KSR2: variants seen among roughly 807,000 people sequenced by gnomAD.
KSR2 encodes the protein kinase suppressor of ras 2.
Under a neutral mutation model 107.8 loss-of-function variants are expected in KSR2, and 25 were observed. The ratio of observed to expected loss-of-function variants is 0.23; its 90% CI spans 0.17 to 0.32. KSR2 has a LOEUF of 0.32. KSR2 is among the 10% of genes least tolerant of loss of function. The pLI is 1.00. For synonymous variants in KSR2, 480 were observed against 507.0 expected (o/e 0.95, Z 0.71); for missense variants, 887 against 1,268.9 (o/e 0.70, Z 4.57).
intron 1 of KSR2, among the ~76,000 whole-genome samples, chr12:117,939,251 A>G (rs1016825724): frequency 3.9e-5 from 6 of 152,362 alleles, no homozygotes; most frequent in African/African-American, 1.4e-4. Context: ...TATGAGAAAC[A>G]TATATTGAAA....
chr12:117,806,628 C>T (rs1386690919), intron 3 of KSR2, among the ~76,000 whole-genome samples: 6 of 152,198 alleles, frequency 3.9e-5, no homozygotes, highest in Admixed American at 3.9e-4. Context: ...ATATCACCCC[C>T]AGAGGAAACC....
intron 7 of KSR2, among the ~76,000 whole-genome samples, chr12:117,565,707 T>C (rs1471387012): frequency 1.1e-4 from 17 of 152,250 alleles, no homozygotes; most frequent in Non-Finnish European, 2.5e-4. Flanking sequence ...GGAGATAACT[T>C]ATCTGTTTGT....
intron 7 of KSR2, among the ~76,000 whole-genome samples, chr12:117,558,928 A>G (rs540121661): frequency 6.6e-6 from 1 of 151,962 alleles, no homozygotes; most frequent in South Asian, 2.1e-4. Flanking sequence ...GTGGATGGAT[A>G]GACAGATGAC....
chr12:117,731,299 C>G (rs1481477661), intron 4 of KSR2, among the ~76,000 whole-genome samples: 1 of 145,170 alleles, frequency 6.9e-6, no homozygotes, highest in Admixed American at 6.9e-5. Context: ...AAGTGAGGAG[C>G]GTCTCCGCCC....
At chr12:117,949,908 C>T (rs1794665836) in intron 1 of KSR2, among the ~76,000 whole-genome samples, 1 of 151,848 alleles carries the variant, frequency 6.6e-6, no homozygotes, top group African/African-American at 2.4e-5. Flanking sequence ...AGAATAAATA[C>T]TGAACTAATT....
At position 117,464,924 on chromosome 12, in the gene KSR2, T is replaced by A. The variant is rs1871074774; in HGVS notation, c.*2275A>T. On this transcript the variant is annotated 3_prime_UTR_variant, in exon 20 of 20. Transcript: ENST00000339824. ...TCATGCTAGGCCTTGCCAAAGGCTGTGGTTGGACATTTTAGTTAATTCTGG... is the reference window on the plus strand; with the variant it reads ...TCATGCTAGGCCTTGCCAAAGGCTGAGGTTGGACATTTTAGTTAATTCTGG... The A allele has an allele frequency of 6.6e-6, 1 of 152,254 alleles. No individual in the cohort carries two copies. Among genetic ancestry groups the A allele is most frequent in the South Asian group, 2.1e-4 (1 of 4,834 alleles). 9.4% of individuals were successfully genotyped at this position (152,254 alleles called of 1,614,324 possible). A position where few individuals can be genotyped will look rare whatever the true frequency, so the allele number is the denominator to read the frequency against.
At chr12:117,756,946 T>C (rs1643426201) in intron 4 of KSR2, among the ~76,000 whole-genome samples, 1 of 151,758 alleles carries the variant, frequency 6.6e-6, no homozygotes, top group African/African-American at 2.4e-5. Context: ...TCCCAGCTAC[T>C]CAGGAGGCTG....
At chr12:117,635,077 C>T (rs1395613881) in intron 5 of KSR2, among the ~76,000 whole-genome samples, 1 of 152,170 alleles carries the variant, frequency 6.6e-6, no homozygotes, top group Non-Finnish European at 1.5e-5. Context: ...AACCCACGGC[C>T]AGTCTCCCAG....
At chr12:117,751,806 C>T (rs1482218330) in intron 4 of KSR2, among the ~76,000 whole-genome samples, 3 of 152,170 alleles carry the variant, frequency 2.0e-5, no homozygotes, top group African/African-American at 4.8e-5. Flanking sequence ...CCAATGCTGC[C>T]TGCATCCTCT....
intron 7 of KSR2, among the ~76,000 whole-genome samples, chr12:117,566,955 G>A (rs924500380): frequency 2.6e-5 from 4 of 151,486 alleles, no homozygotes; most frequent in East Asian, 1.9e-4. Context: ...GTCAAGAACC[G>A]CTCTCTCTGC....
At chr12:117,654,516 G>C (rs1418914892) in intron 5 of KSR2, among the ~76,000 whole-genome samples, 2 of 152,222 alleles carry the variant, frequency 1.3e-5, no homozygotes, top group Non-Finnish European at 2.9e-5. Flanking sequence ...CATCCCTGAA[G>C]GACAGTGGTG....
intron 7 of KSR2, among the ~76,000 whole-genome samples, chr12:117,559,580 C>A (rs536955253): frequency 9.2e-4 from 140 of 152,246 alleles, no homozygotes; most frequent in Non-Finnish European, 1.8e-3. Flanking sequence ...TTTCTTAAAG[C>A]CTCACGCTGT....
At chr12:117,928,895 G>C (rs543046077) in intron 1 of KSR2, among the ~76,000 whole-genome samples, 1 of 151,908 alleles carries the variant, frequency 6.6e-6, no homozygotes. Context: ...GCAAAGGCAA[G>C]TGCCTGGTTT....
chr12:117,840,367 G>A (rs1892417303), intron 3 of KSR2, among the ~76,000 whole-genome samples: 3 of 152,036 alleles, frequency 2.0e-5, no homozygotes, highest in African/African-American at 2.4e-5. Context: ...CAAAGTGCTG[G>A]GATTACAGGT....
At chr12:117,481,064 G>C (rs961068612) in intron 16 of KSR2, among the ~76,000 whole-genome samples, 1 of 150,878 alleles carries the variant, frequency 6.6e-6, no homozygotes, top group Non-Finnish European at 1.5e-5. Context: ...ATCCTGTCTC[G>C]AAAAAAAGAA....
rs934259931 is a variant in KSR2, at chr12:117,534,174, C to T, written c.1688-2467G>A. 3.9e-5 allele frequency among the ~76,000 whole-genome samples: 6 copies of T among 152,154 alleles called. No homozygotes were observed. In the East Asian group the frequency reaches 1.2e-3, roughly 29 times the overall value. ...TGGAGCCCCCATGCCTACCCTGAGG[C>T]CTCCCAAGAGAGCAGCCAGAGTGGT... On this transcript the variant is annotated intron_variant, in intron 10 of 19. Transcript: ENST00000339824.
At chr12:117,493,802 G>C (rs1447028543) in intron 14 of KSR2, among the ~76,000 whole-genome samples, 2 of 152,184 alleles carry the variant, frequency 1.3e-5, no homozygotes, top group African/African-American at 4.8e-5. Flanking sequence ...TCATGGGGGT[G>C]AGTCTTTCCT....
intron 4 of KSR2, among the ~76,000 whole-genome samples, chr12:117,747,132 C>T (rs959322354): frequency 4.6e-5 from 7 of 152,128 alleles, no homozygotes; most frequent in East Asian, 1.9e-4. Context: ...CACATGCACA[C>T]GTATGTTTAC....
At chr12:117,576,748 C>T (rs1310491102) in intron 7 of KSR2, among the ~76,000 whole-genome samples, 1 of 152,122 alleles carries the variant, frequency 6.6e-6, no homozygotes, top group East Asian at 1.9e-4. Flanking sequence ...AAGTGATCTT[C>T]CTGCCCCAGA....
Sources: allele counts gnomAD v4.1 joint callset (sites outside exome capture counted in the v4.1 genomes callset), GRCh38; gene constraint gnomAD v4.1.1; transcripts MANE v1.5; gene names NCBI Gene and HGNC (gene_info 2026-07-23, HGNC 2026-07-21).